Variants in COX10 observed in about 807,000 individuals in gnomAD.
COX10 encodes cytochrome c oxidase assembly factor heme A:farnesyltransferase COX10.
In COX10, 27 loss-of-function variants were observed where a neutral mutation model predicts 37.3. The ratio of observed to expected loss-of-function variants is 0.72; its 90% CI spans 0.53 to 1.00. The LOEUF is 1.00. COX10 is among the 50% of genes least tolerant of loss of function. The pLI, the probability that COX10 is intolerant of heterozygous loss-of-function variation, is 0.00. For missense variants in COX10, 475 were observed against 563.2 expected (o/e 0.84, Z 1.59); for synonymous variants, 222 against 229.1 (o/e 0.97, Z 0.28).
chr17:14,106,586 TTTTG>T (rs1461957449), intron 4 of COX10, among the ~76,000 whole-genome samples: 3 of 152,214 alleles, frequency 2.0e-5, no homozygotes, highest in African/African-American at 4.8e-5. Flanking sequence ...CTTCCCAGTC[TTTTG>T]TTTGTTTGAA....
At chr17:14,171,862 C>A (rs1905481150) in intron 5 of COX10, among the ~76,000 whole-genome samples, 1 of 151,926 alleles carries the variant, frequency 6.6e-6, no homozygotes, top group African/African-American at 2.4e-5. Context: ...TTTCCCAAAT[C>A]TTTTTCCTTA....
intron 4 of COX10, among the ~76,000 whole-genome samples, chr17:14,140,478 T>C (rs1321143908): frequency 6.6e-6 from 1 of 152,098 alleles, no homozygotes; most frequent in Non-Finnish European, 1.5e-5. Context: ...TGGCATGTAG[T>C]TTTCTCCTCT....
chr17:14,146,404 A>C lies in COX10; in HGVS notation c.625-13473A>C, dbSNP rs147550678. On this transcript the variant is annotated intron_variant, in intron 4 of 6. Coordinates refer to ENST00000261643, the MANE Select transcript of COX10 (RefSeq NM_001303.4). Reference sequence around the variant, plus strand: ...AAGAACATACACTGGGGAAAAGACTATCTCTTCAATAAATGGTGCAGGGAA... The same window carrying C: ...AAGAACATACACTGGGGAAAAGACTCTCTCTTCAATAAATGGTGCAGGGAA... 4.3e-3 allele frequency among the ~76,000 whole-genome samples: 657 copies of C among 152,214 alleles called. 5 individuals carry two copies. Among genetic ancestry groups the C allele is most frequent in the African/African-American group, 0.013 (548 of 41,552 alleles).
At chr17:14,118,427 A>T (rs1422986190) in intron 4 of COX10, among the ~76,000 whole-genome samples, 1 of 152,166 alleles carries the variant, frequency 6.6e-6, no homozygotes, top group African/African-American at 2.4e-5. Flanking sequence ...TGAGGTTAAG[A>T]ATTACTTTTT....
chr17:14,132,176 T>C (rs886875952), intron 4 of COX10, among the ~76,000 whole-genome samples: 1 of 151,930 alleles, frequency 6.6e-6, no homozygotes, highest in African/African-American at 2.4e-5. Context: ...AGTAATTGGA[T>C]TAGAAATGGA....
intron 4 of COX10, among the ~76,000 whole-genome samples, chr17:14,156,657 T>A (rs1905046491): frequency 6.6e-6 from 1 of 152,212 alleles, no homozygotes; most frequent in Non-Finnish European, 1.5e-5. Flanking sequence ...TGTTTGTGCT[T>A]CTTCTGTGTC....
intron 1 of COX10, among the ~76,000 whole-genome samples, chr17:14,071,164 C>A (rs1479397144): frequency 6.6e-6 from 1 of 152,168 alleles, no homozygotes; most frequent in Non-Finnish European, 1.5e-5. Context: ...CTTCAAATAT[C>A]TTCTCTGTAT....
intron 4 of COX10, among the ~76,000 whole-genome samples, chr17:14,153,797 T>C (rs973381049): frequency 1.3e-5 from 2 of 152,220 alleles, no homozygotes; most frequent in African/African-American, 4.8e-5. Flanking sequence ...ACACAGATGT[T>C]CATAGCTGCT....
In COX10 at chr17:14,207,419, A is replaced by T. The variant is rs1222932781; in HGVS notation, c.*206A>T. On this transcript the variant is annotated 3_prime_UTR_variant, in exon 7 of 7. Coordinates refer to ENST00000261643, the MANE Select transcript of COX10 (RefSeq NM_001303.4). ...AGAAATGCATCAGCTCAGTCAGTGA[A>T]TACAAAAAAGGAATTATTTTTCCCT... is the stretch of plus-strand genomic sequence containing the variant. 6.0e-6 allele frequency: 4 copies of T among 666,592 alleles called. No individual in the cohort carries two copies. The East Asian group carries it at 1.1e-4, about 19-fold the overall frequency. The allele number at this position is 666,592 out of a possible 1,614,324, so 41.3% of individuals were successfully genotyped here.
intron 4 of COX10, among the ~76,000 whole-genome samples, chr17:14,118,714 G>A (rs951279437): frequency 7.2e-5 from 11 of 151,992 alleles, no homozygotes; most frequent in African/African-American, 2.4e-4. Flanking sequence ...TCCTGATCTT[G>A]TCTTATATTT....
At chr17:14,172,466 G>C (rs987840183) in intron 5 of COX10, among the ~76,000 whole-genome samples, 1 of 151,932 alleles carries the variant, frequency 6.6e-6, no homozygotes. Flanking sequence ...TTCTGACTGG[G>C]GTAAAATGAT....
At chr17:14,069,701 A>G in intron 1 of COX10, 53 bp downstream of exon 1, 1 of 1,608,442 alleles carries the variant, frequency 6.2e-7, no homozygotes, top group Non-Finnish European at 8.5e-7. Context: ...TCTTATTACC[A>G]CGTGCGAGGC....
rs536705483 is a variant in COX10 at position 14,187,813 on chromosome 17, G to C, written c.696-4176G>C. On this transcript the variant is annotated intron_variant, in intron 5 of 6. Transcript: ENST00000261643. ...ATTCCTTCAGGTGCCTGGATGCTGA[G>C]AGTGATCATGGCATCCTGGGTAAAT... Among the ~76,000 whole-genome samples, 11 of 152,326 alleles carry C rather than the reference G, an allele frequency of 7.2e-5. No homozygotes were observed. In the South Asian group the frequency reaches 2.3e-3, roughly 32 times the overall value.
At position 14,075,991 on chromosome 17, in the gene COX10, C is replaced by CA. The variant is rs71147838; in HGVS notation, c.178-723dup. Among the ~76,000 whole-genome samples, 40 of 83,386 alleles carry CA rather than the reference C, an allele frequency of 4.8e-4. No homozygotes were observed. In the South Asian group the frequency reaches 4.9e-3, roughly 10 times the overall value. 54.7% of individuals were successfully genotyped at this position (83,386 alleles called of 152,430 possible). On this transcript the variant is annotated intron_variant, in intron 2 of 6. Coordinates refer to ENST00000261643, the MANE Select transcript of COX10 (RefSeq NM_001303.4). ...TGGGCAACAGAGCGAGGCTCCATCTCAAAAAAAAAAAAAAAAAAAAATCAT... is the reference window on the plus strand; with the variant it reads ...TGGGCAACAGAGCGAGGCTCCATCTCAAAAAAAAAAAAAAAAAAAAAATCAT...
intron 4 of COX10, among the ~76,000 whole-genome samples, chr17:14,103,345 T>G (rs536913060): frequency 5.9e-5 from 9 of 152,310 alleles, no homozygotes; most frequent in Middle Eastern, 6.8e-3. Flanking sequence ...GATTTATTTG[T>G]CCATTTGGGT....
At chr17:14,206,317 A>G (rs1325603800) in intron 6 of COX10, among the ~76,000 whole-genome samples, 2 of 152,104 alleles carry the variant, frequency 1.3e-5, no homozygotes, top group African/African-American at 4.8e-5. Flanking sequence ...GCCTGAAGCC[A>G]CACACCCGGG....
chr17:14,097,779 A>G (rs959906096), intron 3 of COX10, among the ~76,000 whole-genome samples: 3 of 152,176 alleles, frequency 2.0e-5, no homozygotes, highest in Non-Finnish European at 4.4e-5. Context: ...GACTTAAAAA[A>G]ATTTGTTAAG....
chr17:14,113,555 C>T (rs1302017447), intron 4 of COX10, among the ~76,000 whole-genome samples: 1 of 152,126 alleles, frequency 6.6e-6, no homozygotes, highest in African/African-American at 2.4e-5. Flanking sequence ...CATGAACTAT[C>T]TCAGCAGCTT....
chr17:14,204,600 C>G (rs1351680112), intron 6 of COX10, among the ~76,000 whole-genome samples: 1 of 152,252 alleles, frequency 6.6e-6, no homozygotes, highest in East Asian at 1.9e-4. Flanking sequence ...TCCCCTCACT[C>G]CTTATCTCCT....
Sources: allele counts gnomAD v4.1 joint callset (sites outside exome capture counted in the v4.1 genomes callset), GRCh38; gene constraint gnomAD v4.1.1; transcripts MANE v1.5; gene names NCBI Gene and HGNC (gene_info 2026-07-23, HGNC 2026-07-21).